ERAP2: variants seen among roughly 807,000 people sequenced by gnomAD.
ERAP2 encodes leukocyte-derived arginine aminopeptidase.
In ERAP2, 118 loss-of-function variants were observed where a neutral mutation model predicts 111.1. The ratio of observed to expected loss-of-function variants is 1.06; its 90% CI spans 0.92 to 1.24. The LOEUF (loss-of-function observed/expected upper bound fraction) is 1.24. Among genes scored for constraint, ERAP2 ranks in the 50% most tolerant of loss-of-function variants. The pLI is 0.00. For synonymous variants in ERAP2, 410 were observed against 401.2 expected (o/e 1.02, Z -0.26); for missense variants, 1,131 against 1,125.8 (o/e 1.00, Z -0.07).
chr5:96,917,090 T>C (rs1467145046), intron 18 of ERAP2, among the ~76,000 whole-genome samples: 1 of 152,200 alleles, frequency 6.6e-6, no homozygotes, highest in Non-Finnish European at 1.5e-5. Context: ...TTGAAAATTT[T>C]TGGAAGACGA....
intron 15 of ERAP2, among the ~76,000 whole-genome samples, chr5:96,910,999 A>G (rs1358235101): frequency 6.6e-6 from 1 of 152,238 alleles, no homozygotes; most frequent in African/African-American, 2.4e-5. Context: ...AATGAAAACA[A>G]TATGTATTAT....
At chr5:96,906,813 C>T (rs1459908170) in intron 13 of ERAP2, among the ~76,000 whole-genome samples, 1 of 152,200 alleles carries the variant, frequency 6.6e-6, no homozygotes, top group African/African-American at 2.4e-5. Flanking sequence ...GGGTGGATCA[C>T]CTGAGGTCAG....
At chr5:96,905,515 T>C (rs187624166) in intron 13 of ERAP2, among the ~76,000 whole-genome samples, 8 of 152,302 alleles carry the variant, frequency 5.3e-5, no homozygotes, top group Admixed American at 5.2e-4. Flanking sequence ...TAGATAAAAA[T>C]AAATAATTTT....
chr5:96,912,743 C>A lies in ERAP2; in HGVS notation c.2461C>A (p.Gln821Lys). ...TGAACTGTCAATGTCAAGTGCTGAA[C>A]AAAACAAAATTCTGTATGCTTTGTC... is the stretch of plus-strand genomic sequence containing the variant. ...QYELSMSSAEQNKILYALSTS... is the reference protein window; with the variant it reads ...QYELSMSSAEKNKILYALSTS... Residue 821 changes from glutamine to lysine, a missense_variant, in exon 16 of 19, where the codon CAA becomes AAA. By Grantham distance (53) the Gln-to-Lys change is moderately conservative. Transcript: ENST00000437043. 6.2e-7 allele frequency: 1 copy of A among 1,600,072 alleles called. No individual in the cohort carries two copies. The highest frequency in any genetic ancestry group is 8.5e-7 in the Non-Finnish European group (1 of 1,176,246).
chr5:96,902,315 C>T lies in ERAP2; in HGVS notation c.1790C>T (p.Ser597Phe). The T allele has an allele frequency of 7.4e-6, 12 of 1,612,390 alleles. No homozygotes were observed. Among genetic ancestry groups the T allele is most frequent in the Non-Finnish European group, 1.0e-5 (12 of 1,178,610 alleles). Residue 597 changes from serine (S) to phenylalanine (F), a missense_variant, in exon 12 of 19, where the codon TCT (serine) becomes TTT (phenylalanine). Ser to Phe is a radical substitution (Grantham distance 155). Transcript: ENST00000437043. ...HIPLTYSTSS[S>F]NVIHRHILKS... ...CCATTGACCTACTCCACGAGTTCTTCTAATGTGATCCACAGACACATTCTA... is the reference window on the plus strand; with the variant it reads ...CCATTGACCTACTCCACGAGTTCTTTTAATGTGATCCACAGACACATTCTA...
intron 9 of ERAP2, among the ~76,000 whole-genome samples, 181 bp downstream of exon 9, chr5:96,897,044 C>T (rs1199706050): frequency 5.9e-5 from 4 of 68,322 alleles, no homozygotes; most frequent in Non-Finnish European, 1.3e-4. Flanking sequence ...TAGGATGTCA[C>T]GCTGGGGTGG....
rs1786503245 is a variant in ERAP2 at position 96,909,776 on chromosome 5, C to G, written c.2354+12C>G. 1.9e-6 allele frequency: 3 copies of G among 1,612,584 alleles called. No homozygotes were observed. The highest frequency in any genetic ancestry group is 2.5e-6 in the Non-Finnish European group (3 of 1,178,840). On this transcript the variant is annotated intron_variant, in intron 15 of 18. Transcript: ENST00000437043. Reference sequence around the variant, plus strand: ...AGTGGAAAATTAAAGTAGATGTAGACTTCTGTCCTACCCTTTGTTCTTTTC... The same window carrying G: ...AGTGGAAAATTAAAGTAGATGTAGAGTTCTGTCCTACCCTTTGTTCTTTTC...
intron 6 of ERAP2, 86 bp from the exon 7 acceptor site, chr5:96,895,160 A>T: frequency 1.3e-6 from 1 of 771,534 alleles, no homozygotes; most frequent in South Asian, 1.8e-5. Flanking sequence ...CTAATAAAAA[A>T]AAAGTTAGTA....
Position 96,896,821 on chromosome 5 carries a change from T to C in ERAP2, c.1461T>C (p.Tyr487=), listed in dbSNP as rs370247367. The change falls in exon 9 of 19, where the codon TAT becomes TAC. Residue 487 remains tyrosine, a synonymous_variant. Transcript: ENST00000437043. The part of the protein sequence containing the change: ...GIIQYLKKFS[Y]RNAKNDDLWS... ...TTCAGTACTTAAAGAAGTTCAGCTA[T>C]AGAAATGCTAAGAATGATGACTTGT... 3 of 1,286,146 alleles carry C rather than the reference T, an allele frequency of 2.3e-6. No individual in the cohort carries two copies. Among genetic ancestry groups the C allele is most frequent in the African/African-American group, 2.2e-5 (1 of 44,774 alleles). The allele number at this position is 1,286,146 out of a possible 1,614,324, so 79.7% of individuals were successfully genotyped here.
intron 2 of ERAP2, among the ~76,000 whole-genome samples, chr5:96,881,742 A>G (rs1397042270): frequency 6.6e-6 from 1 of 152,174 alleles, no homozygotes; most frequent in Non-Finnish European, 1.5e-5. Context: ...CTAGGCATCA[A>G]GTCCACATTC....
rs748722601 is a variant in ERAP2, at chr5:96,889,181, C to T, written c.850-4C>T. On this transcript the variant is annotated splice_region_variant and splice_polypyrimidine_tract_variant and intron_variant, in intron 4 of 18. Transcript: ENST00000437043. The stretch of plus-strand genomic sequence containing the variant: ...AAAAACCTCTTCTGATCCACATTTC[C>T]CAGGTGTCCATCTATGCATCCCCAG... The T allele has an allele frequency of 6.2e-7, 1 of 1,613,928 alleles. No individual in the cohort carries two copies. The highest frequency in any genetic ancestry group is 1.1e-5 in the South Asian group (1 of 91,080).
In ERAP2 at chr5:96,892,279, T is replaced by A; in HGVS notation, c.971-20T>A. On this transcript the variant is annotated intron_variant, in intron 5 of 18. Coordinates refer to ENST00000437043, the MANE Select transcript of ERAP2 (RefSeq NM_022350.5). Reference sequence around the variant, plus strand: ...GTGTGGGAGCCATAAAACTCAAGTATGGTTGTTCTTATTTCTTAGATTTAA... The same window carrying A: ...GTGTGGGAGCCATAAAACTCAAGTAAGGTTGTTCTTATTTCTTAGATTTAA... The A allele has an allele frequency of 6.2e-7, 1 of 1,613,100 alleles. No homozygotes were observed. Among genetic ancestry groups the A allele is most frequent in the East Asian group, 2.2e-5 (1 of 44,874 alleles).
intron 10 of ERAP2, among the ~76,000 whole-genome samples, chr5:96,900,752 C>T (rs1209856660): frequency 6.6e-6 from 1 of 152,194 alleles, no homozygotes; most frequent in Non-Finnish European, 1.5e-5. Flanking sequence ...TCTCAGCTCA[C>T]TGCAACCTCC....
At chr5:96,885,005 A>C (rs1056157240) in intron 3 of ERAP2, among the ~76,000 whole-genome samples, 2 of 152,106 alleles carry the variant, frequency 1.3e-5, no homozygotes, top group African/African-American at 4.8e-5. Context: ...CTAATACCCC[A>C]TACACGTCTA....
intron 15 of ERAP2, 133 bp downstream of exon 15, chr5:96,909,897 T>C (rs750914352): frequency 1.8e-5 from 15 of 825,730 alleles, no homozygotes; most frequent in Non-Finnish European, 2.6e-5. Context: ...ACAAACCCTG[T>C]TTCATGCTCT....
Position 96,903,505 on chromosome 5 carries a change from C to A in ERAP2, c.1957C>A (p.Leu653Ile), listed in dbSNP as rs1243245603. Residue 653 changes from leucine (L) to isoleucine (I), a missense_variant, in exon 13 of 19, where the codon CTT (leucine) becomes ATT (isoleucine). Physicochemically the swap from Leu to Ile is conservative, Grantham distance 5. Transcript: ENST00000437043. ...LITQLNQNHT[L>I]LRPKDRVGLI... The stretch of plus-strand genomic sequence containing the variant: ...TACACAGCTGAATCAGAACCACACA[C>A]TTCTCAGACCTAAGGACAGAGTAGG... 1 of 1,613,826 alleles carries A rather than the reference C, an allele frequency of 6.2e-7. No individual in the cohort carries two copies. Among genetic ancestry groups the A allele is most frequent in the African/African-American group, 1.3e-5 (1 of 74,930 alleles).
intron 10 of ERAP2, among the ~76,000 whole-genome samples, chr5:96,900,466 A>G (rs1785325011): frequency 6.6e-6 from 1 of 152,154 alleles, no homozygotes; most frequent in Non-Finnish European, 1.5e-5. Flanking sequence ...AGTGGTTACT[A>G]CTGCATTGGC....
intron 13 of ERAP2, among the ~76,000 whole-genome samples, chr5:96,905,513 A>G (rs1288962018): frequency 6.6e-6 from 1 of 152,238 alleles, no homozygotes; most frequent in Admixed American, 6.5e-5. Flanking sequence ...AATAGATAAA[A>G]ATAAATAATT....
chr5:96,917,925 A>AAAG lies in ERAP2; in HGVS notation c.*322_*323insGAA, dbSNP rs1787619590. 1 of 160,248 alleles carries AAAG rather than the reference A, an allele frequency of 6.2e-6. No individual in the cohort carries two copies. The highest frequency in any genetic ancestry group is 2.4e-5 in the African/African-American group (1 of 41,270). 9.9% of individuals were successfully genotyped at this position (160,248 alleles called of 1,614,324 possible). A position where few individuals can be genotyped will look rare whatever the true frequency, so the allele number is the denominator to read the frequency against. On this transcript the variant is annotated 3_prime_UTR_variant, in exon 19 of 19. Transcript: ENST00000437043. ...TGTCTCAAAAAAAAAAAAAAAAAAAAAAAGAAAAAGAAAAAGAAAAGAAAA... is the reference window on the plus strand; with the variant it reads ...TGTCTCAAAAAAAAAAAAAAAAAAAAAAGAAAGAAAAAGAAAAAGAAAAGAAAA...
Sources: allele counts gnomAD v4.1 joint callset (sites outside exome capture counted in the v4.1 genomes callset), GRCh38; gene constraint gnomAD v4.1.1; transcripts MANE v1.5; gene names NCBI Gene and HGNC (gene_info 2026-07-23, HGNC 2026-07-21).